ELL: variants seen among roughly 807,000 people sequenced by gnomAD.
ELL encodes the protein elongation factor for RNA polymerase II.
Under a neutral mutation model 64.0 loss-of-function variants are expected in ELL, and 18 were observed. The ratio of observed to expected loss-of-function variants is 0.28; its 90% CI spans 0.19 to 0.42. The LOEUF is 0.42. Ranked by LOEUF, ELL falls within the 10% of genes least tolerant of loss-of-function variation. The pLI is 1.00. For synonymous variants in ELL, 399 were observed against 376.2 expected (o/e 1.06, Z -0.70); for missense variants, 797 against 870.4 (o/e 0.92, Z 1.06).
chr19:18,463,537 A>T (rs905734146), intron 4 of ELL, among the ~76,000 whole-genome samples: 2 of 151,486 alleles, frequency 1.3e-5, no homozygotes, highest in African/African-American at 4.8e-5. Context: ...GTTTCACCAT[A>T]TTGGCCAGGC....
intron 1 of ELL, among the ~76,000 whole-genome samples, chr19:18,521,060 C>T (rs563062157): frequency 1.4e-4 from 21 of 152,188 alleles, no homozygotes; most frequent in African/African-American, 4.6e-4. Context: ...AGAACCGAAA[C>T]GCCTCAAACT....
chr19:18,473,816 AC>A (rs1975116568), intron 1 of ELL, among the ~76,000 whole-genome samples: 2 of 150,242 alleles, frequency 1.3e-5, no homozygotes. Context: ...CCCCTGCACC[AC>A]CTGGCCCCAC....
rs1974336266 is a variant in ELL at position 18,443,451 on chromosome 19, C to T, written c.*1301G>A. Reference sequence around the variant, plus strand: ...GCCTGACTGCTGATGGCAGCAGTGACCCCCATGTGATCCCTGGGCCCTGAG... The same window carrying T: ...GCCTGACTGCTGATGGCAGCAGTGATCCCCATGTGATCCCTGGGCCCTGAG... On this transcript the variant is annotated 3_prime_UTR_variant, in exon 12 of 12. Transcript: ENST00000262809. 4 of 233,368 alleles carry T rather than the reference C, an allele frequency of 1.7e-5. No homozygotes were observed. Among genetic ancestry groups the T allele is most frequent in the Middle Eastern group, 1.3e-3 (1 of 782 alleles). The allele number at this position is 233,368 out of a possible 1,614,324, so 14.5% of individuals were successfully genotyped here.
chr19:18,449,880 G>A lies in ELL; in HGVS notation c.1465+597C>T, dbSNP rs1974485476. On this transcript the variant is annotated intron_variant, in intron 8 of 11. Transcript: ENST00000262809. The surrounding 1 kb of genome is among the most constrained non-coding windows in gnomAD (Gnocchi z 4.4). ...TACTGCTGCTCAGTTTAGGTGCCTG[G>A]GCTGTGGTCTCGGAGCCGCCCAGGT... Among the ~76,000 whole-genome samples, 1 of 152,198 alleles carries A rather than the reference G, an allele frequency of 6.6e-6. No individual in the cohort carries two copies. Among genetic ancestry groups the A allele is most frequent in the Non-Finnish European group, 1.5e-5 (1 of 68,026 alleles).
At chr19:18,517,479 G>A (rs1345230709) in intron 1 of ELL, among the ~76,000 whole-genome samples, 1 of 151,796 alleles carries the variant, frequency 6.6e-6, no homozygotes, top group Non-Finnish European at 1.5e-5. Context: ...TCAAACTCCT[G>A]ACCTCAAGGG....
chr19:18,482,308 CTTT>C (rs530594631), intron 1 of ELL, among the ~76,000 whole-genome samples: 6 of 77,566 alleles, frequency 7.7e-5, no homozygotes, highest in Non-Finnish European at 1.1e-4. Context: ...CTTTTCATTC[CTTT>C]TTTTTTTTTT....
At chr19:18,519,756 G>A (rs956646279) in intron 1 of ELL, among the ~76,000 whole-genome samples, 6 of 150,392 alleles carry the variant, frequency 4.0e-5, no homozygotes, top group African/African-American at 9.9e-5. Flanking sequence ...GCAGTGAGCC[G>A]GGATCGCGCC....
chr19:18,505,885 G>C lies in ELL; in HGVS notation c.135+16036C>G, dbSNP rs866962004. Among the ~76,000 whole-genome samples the C allele has an allele frequency of 1.4e-4, 22 of 152,300 alleles. No individual in the cohort carries two copies. The South Asian group carries it at 3.3e-3, about 23-fold the overall frequency. ...ACAGGATGACCCCACACAGCAGAGGGAGAAACTGAGGCCCAGAGGGTGGCA... is the reference window on the plus strand; with the variant it reads ...ACAGGATGACCCCACACAGCAGAGGCAGAAACTGAGGCCCAGAGGGTGGCA... On this transcript the variant is annotated intron_variant, in intron 1 of 11. Coordinates refer to ENST00000262809, the MANE Select transcript of ELL (RefSeq NM_006532.4).
chr19:18,521,205 C>T (rs1976262674), intron 1 of ELL, among the ~76,000 whole-genome samples: 1 of 152,118 alleles, frequency 6.6e-6, no homozygotes, highest in Non-Finnish European at 1.5e-5. Flanking sequence ...GCCCCCAACA[C>T]TTCCACTCTC....
chr19:18,448,140 C>T (rs756577266), intron 8 of ELL: 2 of 150,372 alleles, frequency 1.3e-5, no homozygotes, highest in East Asian at 1.9e-4. Flanking sequence ...TTGCCTATAT[C>T]GCCTAGGCTG....
chr19:18,502,080 G>A (rs1975790193), intron 1 of ELL, among the ~76,000 whole-genome samples: 1 of 152,184 alleles, frequency 6.6e-6, no homozygotes, highest in Non-Finnish European at 1.5e-5. Flanking sequence ...GGGACAAGGA[G>A]CTTACAGCAA....
chr19:18,492,447 TG>T (rs1975552668), intron 1 of ELL, among the ~76,000 whole-genome samples: 2 of 152,334 alleles, frequency 1.3e-5, no homozygotes, highest in South Asian at 4.1e-4. Flanking sequence ...TAAGCTACAG[TG>T]GTATCAGCAC....
At chr19:18,497,814 TCAA>T (rs1975692143) in intron 1 of ELL, among the ~76,000 whole-genome samples, 1 of 49,124 alleles carries the variant, frequency 2.0e-5, no homozygotes, top group Non-Finnish European at 3.4e-5. Flanking sequence ...AGATCTCATC[TCAA>T]AAAAAAAAAA....
At chr19:18,484,657 A>T (rs1048554652) in intron 1 of ELL, among the ~76,000 whole-genome samples, 5 of 152,066 alleles carry the variant, frequency 3.3e-5, no homozygotes, top group Non-Finnish European at 4.4e-5. Context: ...AAACAAAACA[A>T]AACATAACAA....
chr19:18,517,589 C>A (rs777659411), intron 1 of ELL, among the ~76,000 whole-genome samples: 1 of 151,582 alleles, frequency 6.6e-6, no homozygotes, highest in Non-Finnish European at 1.5e-5. Context: ...AAAACAGACA[C>A]GTAGTTCATG....
At chr19:18,468,647 CTCT>C (rs1240737748) in intron 2 of ELL, among the ~76,000 whole-genome samples, 2 of 152,210 alleles carry the variant, frequency 1.3e-5, no homozygotes, top group Non-Finnish European at 2.9e-5. Flanking sequence ...TCCCGCCCTC[CTCT>C]GTCATCTCTT....
At chr19:18,487,153 A>G (rs995914812) in intron 1 of ELL, among the ~76,000 whole-genome samples, 18 of 152,162 alleles carry the variant, frequency 1.2e-4, no homozygotes, top group African/African-American at 4.1e-4. Context: ...GAAAGGAGTA[A>G]CTGCTTCTGA....
At chr19:18,509,593 GCACATACACA>G (rs1468449401) in intron 1 of ELL, among the ~76,000 whole-genome samples, 1,544 of 83,224 alleles carry the variant, frequency 0.019, 77 homozygotes, top group African/African-American at 0.025. Flanking sequence ...GCGCGCGCGC[GCACATACACA>G]CACACACACA....
At chr19:18,515,041 G>T (rs1976100581) in intron 1 of ELL, among the ~76,000 whole-genome samples, 1 of 152,216 alleles carries the variant, frequency 6.6e-6, no homozygotes, top group Non-Finnish European at 1.5e-5. Context: ...TACGGCCTTG[G>T]CCGTGAGTCA....
Sources: allele counts gnomAD v4.1 joint callset (sites outside exome capture counted in the v4.1 genomes callset), GRCh38; gene constraint gnomAD v4.1.1; non-coding constraint Gnocchi (gnomAD v3.1); transcripts MANE v1.5; gene names NCBI Gene and HGNC (gene_info 2026-07-23, HGNC 2026-07-21).